Variants in NTM observed in about 807,000 individuals in gnomAD.
The protein encoded by NTM is IgLON family member 2.
Under a neutral mutation model 42.1 loss-of-function variants are expected in NTM, and 13 were observed. The ratio of observed to expected loss-of-function variants is 0.31; its 90% CI spans 0.20 to 0.49. The LOEUF is 0.49. Ranked by LOEUF, NTM falls within the 20% of genes least tolerant of loss-of-function variation. NTM has a pLI of 0.99. For synonymous variants in NTM, 187 were observed against 179.2 expected, an observed-to-expected ratio of 1.04 and a Z score of -0.35; for missense variants, 373 against 452.8, an observed-to-expected ratio of 0.82 and a Z score of 1.60.
At chr11:131,579,485 G>T (rs890439802) in intron 1 of NTM, among the ~76,000 whole-genome samples, 5 of 152,116 alleles carry the variant, frequency 3.3e-5, no homozygotes, top group African/African-American at 1.2e-4. Context: ...GGTTTGAGAG[G>T]CCCCACGTCG....
chr11:132,236,832 G>T (rs1001936604), intron 4 of NTM, among the ~76,000 whole-genome samples: 2 of 152,210 alleles, frequency 1.3e-5, no homozygotes, highest in African/African-American at 4.8e-5. Context: ...AAAGAATGGA[G>T]TGAGGTGGAA....
intron 1 of NTM, among the ~76,000 whole-genome samples, chr11:131,466,093 T>A (rs942791077): frequency 3.3e-5 from 5 of 152,218 alleles, no homozygotes; most frequent in African/African-American, 9.6e-5. Flanking sequence ...GAGCAGCATG[T>A]GAGCAGGTGC....
At chr11:131,684,281 C>A (rs535246871) in intron 1 of NTM, among the ~76,000 whole-genome samples, 1 of 152,270 alleles carries the variant, frequency 6.6e-6, no homozygotes, top group South Asian at 2.1e-4. Flanking sequence ...CTGACCACAG[C>A]GATCCAGGGA....
chr11:132,023,410 G>A (rs145664549), intron 2 of NTM, among the ~76,000 whole-genome samples: 32 of 152,346 alleles, frequency 2.1e-4, no homozygotes, highest in Non-Finnish European at 4.0e-4. Context: ...CTGAACAGCT[G>A]TGAAATTGAG....
At chr11:131,422,583 G>A (rs1000080650) in intron 1 of NTM, among the ~76,000 whole-genome samples, 7 of 152,218 alleles carry the variant, frequency 4.6e-5, no homozygotes, top group Admixed American at 4.6e-4. Flanking sequence ...ATCTTTCAAA[G>A]TAAATTGGGC....
chr11:132,303,853 A>T (rs2094965393), intron 4 of NTM, among the ~76,000 whole-genome samples: 1 of 152,082 alleles, frequency 6.6e-6, no homozygotes, highest in East Asian at 1.9e-4. Flanking sequence ...AGTTCTACAG[A>T]GGGCTTCTCC....
chr11:131,785,014 C>A (rs531087639), intron 1 of NTM, among the ~76,000 whole-genome samples: 3 of 152,098 alleles, frequency 2.0e-5, no homozygotes, highest in Non-Finnish European at 4.4e-5. Flanking sequence ...TCTTTAAAAT[C>A]TTCCTTACTG....
At chr11:132,295,378 C>A (rs191056612) in intron 4 of NTM, among the ~76,000 whole-genome samples, 7 of 152,250 alleles carry the variant, frequency 4.6e-5, no homozygotes, top group East Asian at 3.9e-4. Flanking sequence ...CGTGCTAAAC[C>A]TGCTATAGAT....
At chr11:131,933,531 G>T (rs1014945779) in intron 2 of NTM, among the ~76,000 whole-genome samples, 13 of 152,182 alleles carry the variant, frequency 8.5e-5, no homozygotes, top group Admixed American at 2.0e-4. Flanking sequence ...ATTATTTAAG[G>T]TTATGCAGTC....
At chr11:131,498,483 C>T (rs753472637) in intron 1 of NTM, among the ~76,000 whole-genome samples, 1 of 152,132 alleles carries the variant, frequency 6.6e-6, no homozygotes, top group Non-Finnish European at 1.5e-5. Context: ...CTGCAAATGG[C>T]TCTGACCTCT....
At chr11:132,125,338 GGTATGTGATTGTGTA>G (rs2065515228) in intron 2 of NTM, among the ~76,000 whole-genome samples, 1 of 142,980 alleles carries the variant, frequency 7.0e-6, no homozygotes, top group Non-Finnish European at 1.5e-5. Context: ...TGTGTGGTGT[GGTATGTGATTGTGTA>G]GTGTGTAGTG....
chr11:131,627,468 A>C (rs961740970), intron 1 of NTM, among the ~76,000 whole-genome samples: 1 of 152,200 alleles, frequency 6.6e-6, no homozygotes, highest in African/African-American at 2.4e-5. Flanking sequence ...ATTGATGGCC[A>C]GGCAAGGACC....
intron 2 of NTM, among the ~76,000 whole-genome samples, chr11:131,946,743 C>A (rs1178399773): frequency 1.3e-5 from 2 of 152,152 alleles, no homozygotes; most frequent in African/African-American, 4.8e-5. Flanking sequence ...ACAATATGCT[C>A]CCATGTCTGT....
chr11:131,661,558 C>T (rs1274853837), intron 1 of NTM, among the ~76,000 whole-genome samples: 1 of 152,158 alleles, frequency 6.6e-6, no homozygotes, highest in Non-Finnish European at 1.5e-5. Flanking sequence ...CCTGCCTGGT[C>T]GCCGAGGCTG....
At chr11:132,229,136 C>T (rs2086919931) in intron 4 of NTM, among the ~76,000 whole-genome samples, 1 of 152,174 alleles carries the variant, frequency 6.6e-6, no homozygotes, top group African/African-American at 2.4e-5. Flanking sequence ...TCATCCTCTG[C>T]ATAGTGTCTG....
Position 131,763,709 on chromosome 11 carries a change from C to CTTTTTTTTTTTTTTTTTTTTTTTTT in NTM, c.83-147853_83-147829dup, listed in dbSNP as rs557522093. Among the ~76,000 whole-genome samples the CTTTTTTTTTTTTTTTTTTTTTTTTT allele has an allele frequency of 9.4e-4, 67 of 71,368 alleles. 13 individuals carry two copies. The highest frequency in any genetic ancestry group is 4.3e-3 in the East Asian group (9 of 2,084). The allele number at this position is 71,368 out of a possible 152,430, so 46.8% of individuals were successfully genotyped here. On this transcript the variant is annotated intron_variant, in intron 1 of 8. Transcript: ENST00000683400. ...CTTATCCACAGGCCCATCTCTCTCT[C>CTTTTTTTTTTTTTTTTTTTTTTTTT]TTTTTTTTTTTTTTTTTTTTTTTTT...
intron 7 of NTM, chr11:132,317,604 ATATG>A: frequency 9.1e-7 from 1 of 1,100,610 alleles, no homozygotes. Flanking sequence ...TGTATATAAT[ATATG>A]TGTTTGTTCT....
intron 2 of NTM, among the ~76,000 whole-genome samples, chr11:132,024,389 C>T (rs561627315): frequency 6.6e-6 from 1 of 152,266 alleles, no homozygotes; most frequent in East Asian, 1.9e-4. Context: ...GCTCAAACCC[C>T]TTACCTAAAA....
intron 3 of NTM, among the ~76,000 whole-genome samples, chr11:132,168,917 C>A (rs553370287): frequency 1.3e-5 from 2 of 152,186 alleles, no homozygotes; most frequent in East Asian, 3.8e-4. Flanking sequence ...GAGGCTTATG[C>A]TCCCTGGGAT....
Sources: allele counts gnomAD v4.1 joint callset (sites outside exome capture counted in the v4.1 genomes callset), GRCh38; gene constraint gnomAD v4.1.1; transcripts MANE v1.5; gene names NCBI Gene and HGNC (gene_info 2026-07-23, HGNC 2026-07-21).